The following NRCAM variants were observed in gnomAD, a reference collection of about 807,000 sequenced individuals.
The protein encoded by NRCAM is neuronal cell adhesion molecule.
NRCAM carries 83 observed loss-of-function variants against 156.5 expected under a neutral mutation model. That is an observed-to-expected ratio of 0.53 (90% CI 0.44 to 0.64). The LOEUF (loss-of-function observed/expected upper bound fraction) is 0.64, where lower values mean the gene tolerates loss of function less well. NRCAM is among the 30% of genes least tolerant of loss of function. The pLI is 0.00. For missense variants in NRCAM, 1,417 were observed against 1,597.3 expected, an observed-to-expected ratio of 0.89 and a Z score of 1.92; for synonymous variants, 538 against 563.9, an observed-to-expected ratio of 0.95 and a Z score of 0.65.
intron 1 of NRCAM, among the ~76,000 whole-genome samples, chr7:108,427,700 C>A (rs1018868243): frequency 6.6e-6 from 1 of 152,198 alleles, no homozygotes; most frequent in African/African-American, 2.4e-5. Flanking sequence ...AAATCCTTTA[C>A]TCAAAAGCAA....
At chr7:108,333,776 G>T (rs76675477) in intron 2 of NRCAM, among the ~76,000 whole-genome samples, 1 of 152,112 alleles carries the variant, frequency 6.6e-6, no homozygotes, top group African/African-American at 2.4e-5. Context: ...GTTCCTAAAA[G>T]ATCAATGCAA....
chr7:108,329,032 C>T (rs1257442263), intron 2 of NRCAM, among the ~76,000 whole-genome samples: 1 of 152,090 alleles, frequency 6.6e-6, no homozygotes. Context: ...AGCCTAGAAA[C>T]TCTATTTGAT....
chr7:108,305,423 TG>T (rs2098700909), intron 3 of NRCAM, among the ~76,000 whole-genome samples: 2 of 152,280 alleles, frequency 1.3e-5, no homozygotes, highest in African/African-American at 4.8e-5. Context: ...TTTGTTTTTT[TG>T]TTTTTTGTTT....
chr7:108,274,568 G>A lies in NRCAM; in HGVS notation c.-106-34398C>T, dbSNP rs190070199. ...CTGTTATTGGTGTATAGGAATGCTT[G>A]TGGTTTTTGCACATTGATTTTGTAT... On this transcript the variant is annotated intron_variant, in intron 3 of 32. Transcript: ENST00000379028. Among the ~76,000 whole-genome samples, 19 of 152,302 alleles carry A rather than the reference G, an allele frequency of 1.2e-4. No homozygotes were observed. The East Asian group carries it at 3.5e-3, about 28-fold the overall frequency.
chr7:108,294,196 T>G (rs1199703159), intron 3 of NRCAM, among the ~76,000 whole-genome samples: 1 of 89,582 alleles, frequency 1.1e-5, no homozygotes, highest in Non-Finnish European at 2.3e-5. Flanking sequence ...TTTACTGGTT[T>G]TTTTTTTTTT....
At chr7:108,301,480 G>A (rs972347532) in intron 3 of NRCAM, among the ~76,000 whole-genome samples, 6 of 152,330 alleles carry the variant, frequency 3.9e-5, no homozygotes, top group African/African-American at 1.4e-4. Flanking sequence ...AACAAGGCGT[G>A]ACCGGTATGA....
chr7:108,371,217 T>C (rs1323763854), intron 2 of NRCAM, among the ~76,000 whole-genome samples: 1 of 152,182 alleles, frequency 6.6e-6, no homozygotes, highest in Non-Finnish European at 1.5e-5. Context: ...CTAAGCCTAT[T>C]GGTCATAAAA....
chr7:108,335,040 T>TA (rs2099165131), intron 2 of NRCAM, among the ~76,000 whole-genome samples: 1 of 152,176 alleles, frequency 6.6e-6, no homozygotes, highest in African/African-American at 2.4e-5. Context: ...ATCTTTATAA[T>TA]AACACTGATA....
At chr7:108,414,657 G>A (rs1799281999) in intron 1 of NRCAM, among the ~76,000 whole-genome samples, 1 of 152,176 alleles carries the variant, frequency 6.6e-6, no homozygotes, top group African/African-American at 2.4e-5. Flanking sequence ...GAAAATGGGA[G>A]CCATTTGATA....
rs574439795 is a variant in NRCAM at position 108,442,133 on chromosome 7, T to C, written c.-332+14110A>G. ...CCATACAGTAATACCTTGGGATCAG[T>C]AGGCTCAGCCCCCTTTTTTTGATGA... On this transcript the variant is annotated intron_variant, in intron 1 of 32. Transcript: ENST00000379028. Among the ~76,000 whole-genome samples, 5 of 152,280 alleles carry C rather than the reference T, an allele frequency of 3.3e-5. No individual in the cohort carries two copies. The South Asian group carries it at 6.2e-4, about 19-fold the overall frequency.
chr7:108,300,816 T>C (rs1274346956), intron 3 of NRCAM, among the ~76,000 whole-genome samples: 2 of 152,182 alleles, frequency 1.3e-5, no homozygotes, highest in Admixed American at 6.5e-5. Flanking sequence ...TAAATTCAAA[T>C]TTTTGATTAA....
intron 1 of NRCAM, among the ~76,000 whole-genome samples, chr7:108,435,371 A>G (rs1250441208): frequency 2.6e-5 from 4 of 152,220 alleles, no homozygotes; most frequent in South Asian, 4.1e-4. Context: ...ACACAAAGGA[A>G]AAAGTTTTAA....
chr7:108,455,160 T>C (rs7811808), intron 1 of NRCAM, among the ~76,000 whole-genome samples: 1 of 151,852 alleles, frequency 6.6e-6, no homozygotes. Context: ...GGACACCGCT[T>C]TGGGAGAAAT....
At chr7:108,182,491 T>C (rs191360685) in intron 23 of NRCAM, among the ~76,000 whole-genome samples, 1 of 152,344 alleles carries the variant, frequency 6.6e-6, no homozygotes, top group African/African-American at 2.4e-5. Context: ...CAATCCCCTG[T>C]GGATACCAAG....
chr7:108,270,531 C>T (rs1372280446), intron 3 of NRCAM, among the ~76,000 whole-genome samples: 2 of 151,960 alleles, frequency 1.3e-5, no homozygotes, highest in Non-Finnish European at 2.9e-5. Context: ...AAGACGAGCA[C>T]CTCTGAGCAC....
intron 13 of NRCAM, among the ~76,000 whole-genome samples, chr7:108,201,518 T>A (rs1397121200): frequency 1.3e-5 from 2 of 152,244 alleles, no homozygotes; most frequent in Non-Finnish European, 2.9e-5. Context: ...TGAAAATGCT[T>A]AACACTACTG....
intron 25 of NRCAM, 28 bp from the exon 26 acceptor site, chr7:108,178,140 A>T (rs372854967): frequency 6.2e-7 from 1 of 1,603,974 alleles, no homozygotes; most frequent in African/African-American, 1.3e-5. Flanking sequence ...CAGTCAACAC[A>T]AAGATTTCTG....
At chr7:108,260,019 A>C (rs1392050913) in intron 3 of NRCAM, among the ~76,000 whole-genome samples, 1 of 152,124 alleles carries the variant, frequency 6.6e-6, no homozygotes, top group Non-Finnish European at 1.5e-5. Flanking sequence ...TTTTTAAAAA[A>C]GCTTTTTGAA....
intron 28 of NRCAM, 92 bp downstream of exon 28, chr7:108,175,230 A>G (rs1157488365): frequency 2.1e-6 from 2 of 947,816 alleles, no homozygotes; most frequent in Admixed American, 5.9e-5. Context: ...GGTTCAAAGC[A>G]TATTTTCTCT....
Sources: gnomAD v4.1 joint callset for allele counts (sites outside exome capture counted in the v4.1 genomes callset) on GRCh38, gnomAD v4.1.1 for gene constraint, MANE v1.5 for transcripts, NCBI Gene and HGNC (gene_info 2026-07-23, HGNC 2026-07-21) for gene names.